The following ACOX3 variants were observed in gnomAD, a reference collection of about 807,000 sequenced individuals.
ACOX3 encodes acyl-CoA oxidase 3, pristanoyl.
ACOX3 carries 73 observed loss-of-function variants against 81.5 expected under a neutral mutation model. The ratio of observed to expected loss-of-function variants is 0.90; its 90% CI spans 0.74 to 1.09. The LOEUF (loss-of-function observed/expected upper bound fraction) is 1.09, where lower values mean the gene tolerates loss of function less well. Among genes scored for constraint, ACOX3 ranks in the 50% least tolerant of loss-of-function variants. ACOX3 has a pLI of 0.00. For synonymous variants in ACOX3, 387 were observed against 375.1 expected, an observed-to-expected ratio of 1.03 and a Z score of -0.37; for missense variants, 947 against 928.0, an observed-to-expected ratio of 1.02 and a Z score of -0.27.
chr4:8,384,461 C>A lies in ACOX3; in HGVS notation c.1538-2854G>T, dbSNP rs1223845310. 2.6e-5 allele frequency among the ~76,000 whole-genome samples: 4 copies of A among 152,182 alleles called. No homozygotes were observed. Among genetic ancestry groups the A allele is most frequent in the Admixed American group, 6.5e-5 (1 of 15,286 alleles). ...GCAGTGAATTCTCTTGCTCGGAATG[C>A]GGCTGCTGGCGGCCTGAGGACACAC... On this transcript the variant is annotated intron_variant, in intron 13 of 17. Coordinates refer to ENST00000356406, the MANE Select transcript of ACOX3 (RefSeq NM_003501.3). The surrounding 1 kb of genome is among the most constrained non-coding windows in gnomAD (Gnocchi z 5.3).
rs190334432 is a variant in ACOX3, at chr4:8,386,294, T to C, written c.1537+2879A>G. Among the ~76,000 whole-genome samples, 36 of 151,992 alleles carry C rather than the reference T, an allele frequency of 2.4e-4. No homozygotes were observed. The East Asian group carries it at 2.7e-3, about 11-fold the overall frequency. Reference sequence around the variant, plus strand: ...TTAGAAAGTGACTTGCGGCCGGGCGTGGTGGCTCATGCCTGTGATCCCAGC... The same window carrying C: ...TTAGAAAGTGACTTGCGGCCGGGCGCGGTGGCTCATGCCTGTGATCCCAGC... On this transcript the variant is annotated intron_variant, in intron 13 of 17. Transcript: ENST00000356406. This position sits in a 1 kb window ranked among gnomAD's most constrained non-coding sequence, Gnocchi z 5.2.
chr4:8,432,565 T>C lies in ACOX3; in HGVS notation c.-15+8083A>G, dbSNP rs1359600662. On this transcript the variant is annotated intron_variant, in intron 1 of 17. Transcript: ENST00000356406. This position sits in a 1 kb window ranked among gnomAD's most constrained non-coding sequence, Gnocchi z 6.2. The stretch of plus-strand genomic sequence containing the variant: ...TTTTTTTAATTATAAACCCAACATA[T>C]TGAATTTAACGGGTTTCTATGCTGT... Among the ~76,000 whole-genome samples, 1 of 152,066 alleles carries C rather than the reference T, an allele frequency of 6.6e-6. No homozygotes were observed. The highest frequency in any genetic ancestry group is 1.5e-5 in the Non-Finnish European group (1 of 68,006).
rs544938441 is a variant in ACOX3, at chr4:8,416,861, C to A, written c.-14-326G>T. Among the ~76,000 whole-genome samples, 1 of 152,338 alleles carries A rather than the reference C, an allele frequency of 6.6e-6. No homozygotes were observed. The highest frequency in any genetic ancestry group is 1.9e-4 in the East Asian group (1 of 5,188). ...CACAGCCTTGCCTGAGAGTACCCTG[C>A]CCTCTTGGGAGCACCCCGGACATCC... On this transcript the variant is annotated intron_variant, in intron 1 of 17. Coordinates refer to ENST00000356406, the MANE Select transcript of ACOX3 (RefSeq NM_003501.3). The surrounding 1 kb of genome is among the most constrained non-coding windows in gnomAD (Gnocchi z 4.2).
the ACOX3 span, among the ~76,000 whole-genome samples, chr4:8,361,006 T>A: frequency 2.0e-5 from 3 of 152,146 alleles, no homozygotes; most frequent in African/African-American, 7.2e-5. Context: ...CACATGTAAT[T>A]AAGACTGCTA....
chr4:8,394,793 C>T lies in ACOX3; in HGVS notation c.1057-51G>A, dbSNP rs1719495001. On this transcript the variant is annotated intron_variant, in intron 9 of 17. Transcript: ENST00000356406. The surrounding 1 kb of genome is among the most constrained non-coding windows in gnomAD (Gnocchi z 5.9). ...AACACATCGTGGTTCCCATGAAGGG[C>T]AGCCCATCCCAGGGACCATGAAAGC... is the stretch of plus-strand genomic sequence containing the variant. 3 of 1,580,290 alleles carry T rather than the reference C, an allele frequency of 1.9e-6. No homozygotes were observed. The highest frequency in any genetic ancestry group is 2.6e-6 in the Non-Finnish European group (3 of 1,160,054).
chr4:8,416,492 T>A lies in ACOX3; in HGVS notation c.30A>T (p.Thr10=), dbSNP rs763762932. The A allele has an allele frequency of 6.2e-6, 10 of 1,612,202 alleles. No individual in the cohort carries two copies. In the African/African-American group the frequency reaches 9.4e-5, roughly 15 times the overall value. MASTVEGGD[T]ALLPEFPRGP... ...CCCTGGGGAATTCTGGGAGCAGAGCTGTGTCGCCTCCTTCCACAGTGGATG... is the reference window on the plus strand; with the variant it reads ...CCCTGGGGAATTCTGGGAGCAGAGCAGTGTCGCCTCCTTCCACAGTGGATG... The change falls in exon 2 of 18, where the codon ACA becomes ACT. Residue 10 remains threonine, a synonymous_variant. Transcript: ENST00000356406. The surrounding 1 kb of genome is among the most constrained non-coding windows in gnomAD (Gnocchi z 4.2).
Position 8,381,515 on chromosome 4 carries a change from A to C in ACOX3, c.1630T>G (p.Phe544Val), listed in dbSNP as rs1373790135. 1 of 1,613,788 alleles carries C rather than the reference A, an allele frequency of 6.2e-7. No individual in the cohort carries two copies. Among genetic ancestry groups the C allele is most frequent in the East Asian group, 2.2e-5 (1 of 44,898 alleles). ...ACCTGGCATTTGTTCCTTGCTTCAAAGTCACTGCTTCCTGATCTTTTCTCT... is the reference window on the plus strand; with the variant it reads ...ACCTGGCATTTGTTCCTTGCTTCAACGTCACTGCTTCCTGATCTTTTCTCT... ...NQEKRSGSSD[F>V]EARNKCQVSH... is the part of the protein sequence containing the mutation. Residue 544 changes from phenylalanine (F) to valine (V), a missense_variant, in exon 14 of 18, where the codon TTT (phenylalanine) becomes GTT (valine). By Grantham distance (50) the Phe-to-Val change is conservative. Coordinates refer to ENST00000356406, the MANE Select transcript of ACOX3 (RefSeq NM_003501.3). This position sits in a 1 kb window ranked among gnomAD's most constrained non-coding sequence, Gnocchi z 4.3.
At chr4:8,396,612 G>A (rs1017662237) in intron 9 of ACOX3, among the ~76,000 whole-genome samples, 2 of 151,240 alleles carry the variant, frequency 1.3e-5, no homozygotes, top group Non-Finnish European at 2.9e-5. Context: ...GGGAGGCGGA[G>A]GTTGCAGTGA....
At position 8,394,662 on chromosome 4, in the gene ACOX3, C is replaced by A; in HGVS notation, c.1137G>T (p.Glu379Asp). The change falls in exon 10 of 18, where the codon GAG (glutamate) becomes GAT (aspartate). Residue 379 changes from glutamate to aspartate, a missense_variant. Glu to Asp is a conservative substitution (Grantham distance 45). Coordinates refer to ENST00000356406, the MANE Select transcript of ACOX3 (RefSeq NM_003501.3). This position sits in a 1 kb window ranked among gnomAD's most constrained non-coding sequence, Gnocchi z 5.9. ...CTCCCGATGCAAGTCCTCGCTGGAGCTCCACCAGGTCCAGGAAGAGCGACT... is the reference window on the plus strand; with the variant it reads ...CTCCCGATGCAAGTCCTCGCTGGAGATCCACCAGGTCCAGGAAGAGCGACT... ...FSKSLFLDLVELQRGLASGDR... is the reference protein window; with the variant it reads ...FSKSLFLDLVDLQRGLASGDR... The A allele has an allele frequency of 6.2e-7, 1 of 1,613,890 alleles. No individual in the cohort carries two copies. Among genetic ancestry groups the A allele is most frequent in the Non-Finnish European group, 8.5e-7 (1 of 1,180,014 alleles).
chr4:8,396,937 C>T lies in ACOX3; in HGVS notation c.1056G>A (p.Gln352=). The T allele has an allele frequency of 1.2e-6, 2 of 1,609,464 alleles. No homozygotes were observed. The highest frequency in any genetic ancestry group is 1.7e-5 in the Admixed American group (1 of 58,936). ...EEIPVLEYPM[Q]QWRLLPYLAA... ...GAAAGGATGCTTGAAAACCTCATAC[C>T]TGCATTGGATACTCAAGCACTGGTA... is the stretch of plus-strand genomic sequence containing the variant. Residue 352 remains glutamine, a splice_region_variant and synonymous_variant, in exon 9 of 18, where the codon CAG becomes CAA. Coordinates refer to ENST00000356406, the MANE Select transcript of ACOX3 (RefSeq NM_003501.3).
At chr4:8,397,246 C>T (rs1004557568) in intron 8 of ACOX3, 127 bp from the exon 9 acceptor site, 2 of 925,312 alleles carry the variant, frequency 2.2e-6, no homozygotes, top group African/African-American at 3.5e-5. Flanking sequence ...GCCCAGGCCC[C>T]ATCCCCAGGG....
intron 1 of ACOX3, among the ~76,000 whole-genome samples, chr4:8,435,752 GAC>G (rs1292880176): frequency 6.6e-6 from 1 of 152,210 alleles, no homozygotes; most frequent in African/African-American, 2.4e-5. Context: ...TGCACCAGCA[GAC>G]ACAGAGTTGA....
Position 8,423,263 on chromosome 4 carries a change from T to C in ACOX3, c.-14-6728A>G, listed in dbSNP as rs527255679. 6.6e-6 allele frequency among the ~76,000 whole-genome samples: 1 copy of C among 152,254 alleles called. No homozygotes were observed. Among genetic ancestry groups the C allele is most frequent in the African/African-American group, 2.4e-5 (1 of 41,536 alleles). On this transcript the variant is annotated intron_variant, in intron 1 of 17. Coordinates refer to ENST00000356406, the MANE Select transcript of ACOX3 (RefSeq NM_003501.3). This position sits in a 1 kb window ranked among gnomAD's most constrained non-coding sequence, Gnocchi z 4.2. ...TATGCCTGAAACCCCCACACCCTTG[T>C]TAGGGAGATACATTCTAGCAAAAGC...
Position 8,419,350 on chromosome 4 carries a change from AC to A in ACOX3, c.-14-2816del, listed in dbSNP as rs1450301792. On this transcript the variant is annotated intron_variant, in intron 1 of 17. Transcript: ENST00000356406. This position sits in a 1 kb window ranked among gnomAD's most constrained non-coding sequence, Gnocchi z 4.2. ...ACTTGGGAGGCTGAGGCAGAGAATTACTTAAACCCGGGAGGCAGAGATTGCA... is the reference window on the plus strand; with the variant it reads ...ACTTGGGAGGCTGAGGCAGAGAATTATTAAACCCGGGAGGCAGAGATTGCA... Among the ~76,000 whole-genome samples, 3 of 151,796 alleles carry A rather than the reference AC, an allele frequency of 2.0e-5. No homozygotes were observed. The highest frequency in any genetic ancestry group is 4.4e-5 in the Non-Finnish European group (3 of 67,918).
At position 8,396,947 on chromosome 4, in the gene ACOX3, T is replaced by C. The variant is rs1321264796; in HGVS notation, c.1046A>G (p.Tyr349Cys). The C allele has an allele frequency of 1.9e-6, 3 of 1,610,940 alleles. No individual in the cohort carries two copies. In the East Asian group the frequency reaches 6.7e-5, roughly 36 times the overall value. The stretch of plus-strand genomic sequence containing the variant: ...TTGAAAACCTCATACCTGCATTGGA[T>C]ACTCAAGCACTGGTATTTCCTCCTC... ...TEEEEIPVLEYPMQQWRLLPY... is the reference protein window; with the variant it reads ...TEEEEIPVLECPMQQWRLLPY... The change falls in exon 9 of 18, where the codon TAT (tyrosine) becomes TGT (cysteine). Residue 349 changes from tyrosine (Y) to cysteine (C), a missense_variant. Tyr to Cys is a radical substitution (Grantham distance 194, BLOSUM62 -2). Transcript: ENST00000356406.
chr4:8,416,873 C>T lies in ACOX3; in HGVS notation c.-14-338G>A, dbSNP rs1374596815. ...TGAGAGTACCCTGCCCTCTTGGGAG[C>T]ACCCCGGACATCCAGACTCATCCCC... On this transcript the variant is annotated intron_variant, in intron 1 of 17. Transcript: ENST00000356406. The surrounding 1 kb of genome is among the most constrained non-coding windows in gnomAD (Gnocchi z 4.2). Among the ~76,000 whole-genome samples, 1 of 152,234 alleles carries T rather than the reference C, an allele frequency of 6.6e-6. No individual in the cohort carries two copies. The highest frequency in any genetic ancestry group is 2.4e-5 in the African/African-American group (1 of 41,460).
chr4:8,381,899 A>C lies in ACOX3; in HGVS notation c.1538-292T>G, dbSNP rs553032282. Reference sequence around the variant, plus strand: ...GCCACAGGAACACGGTGCCGCCGCTAGAGTGGGCCCCCGAGTGGGACGGCT... The same window carrying C: ...GCCACAGGAACACGGTGCCGCCGCTCGAGTGGGCCCCCGAGTGGGACGGCT... On this transcript the variant is annotated intron_variant, in intron 13 of 17. Coordinates refer to ENST00000356406, the MANE Select transcript of ACOX3 (RefSeq NM_003501.3). The surrounding 1 kb of genome is among the most constrained non-coding windows in gnomAD (Gnocchi z 4.3). Among the ~76,000 whole-genome samples, 6 of 152,234 alleles carry C rather than the reference A, an allele frequency of 3.9e-5. No homozygotes were observed. Among genetic ancestry groups the C allele is most frequent in the Non-Finnish European group, 5.9e-5 (4 of 68,030 alleles).
chr4:8,423,293 G>A lies in ACOX3; in HGVS notation c.-14-6758C>T, dbSNP rs1159328568. Among the ~76,000 whole-genome samples the A allele has an allele frequency of 6.6e-6, 1 of 152,158 alleles. No homozygotes were observed. Among genetic ancestry groups the A allele is most frequent in the East Asian group, 1.9e-4 (1 of 5,196 alleles). ...GAGATACATTCTAGCAAAAGCAGGG[G>A]CCATTATACACCTGAACATGGGAGA... On this transcript the variant is annotated intron_variant, in intron 1 of 17. Coordinates refer to ENST00000356406, the MANE Select transcript of ACOX3 (RefSeq NM_003501.3). This position sits in a 1 kb window ranked among gnomAD's most constrained non-coding sequence, Gnocchi z 4.2.
At chr4:8,415,456 TAA>T (rs1399823554) in intron 3 of ACOX3, among the ~76,000 whole-genome samples, 11 of 135,040 alleles carry the variant, frequency 8.1e-5, no homozygotes, top group Non-Finnish European at 6.4e-5. Flanking sequence ...TTGTATGAGG[TAA>T]AAAAAAAAAA....
Sources: allele counts gnomAD v4.1 joint callset (sites outside exome capture counted in the v4.1 genomes callset), GRCh38; gene constraint gnomAD v4.1.1; non-coding constraint Gnocchi (gnomAD v3.1); transcripts MANE v1.5; gene names NCBI Gene and HGNC (gene_info 2026-07-23, HGNC 2026-07-21).